The following APBB2 variants were observed in gnomAD, a reference collection of about 807,000 sequenced individuals.
APBB2 encodes the protein Fe65-like 1.
Under a neutral mutation model 82.5 loss-of-function variants are expected in APBB2, and 38 were observed. The observed-to-expected ratio is 0.46, with a 90% CI of 0.36 to 0.60. APBB2 has a LOEUF of 0.60. Among genes scored for constraint, APBB2 ranks in the 20% least tolerant of loss-of-function variants. APBB2 has a pLI of 0.00. For missense variants in APBB2, 772 were observed against 972.3 expected, an observed-to-expected ratio of 0.79 and a Z score of 2.74; for synonymous variants, 341 against 368.2, an observed-to-expected ratio of 0.93 and a Z score of 0.85.
intron 3 of APBB2, among the ~76,000 whole-genome samples, chr4:41,074,766 G>C (rs990242701): frequency 9.2e-5 from 14 of 151,870 alleles, no homozygotes; most frequent in African/African-American, 2.9e-4. Flanking sequence ...TCCGCCACCA[G>C]TCCCGGCTAA....
At chr4:41,190,321 G>A (rs1560992893) in intron 1 of APBB2, among the ~76,000 whole-genome samples, 2 of 134,782 alleles carry the variant, frequency 1.5e-5, no homozygotes, top group African/African-American at 2.9e-5. Context: ...CCGCGATCTC[G>A]GCTCACTGCA....
At chr4:40,876,919 T>C (rs1179358736) in intron 12 of APBB2, among the ~76,000 whole-genome samples, 1 of 152,224 alleles carries the variant, frequency 6.6e-6, no homozygotes, top group African/African-American at 2.4e-5. Context: ...ATTTGAATCA[T>C]TACCCACTGT....
At chr4:41,059,253 G>C (rs1200516227) in intron 4 of APBB2, among the ~76,000 whole-genome samples, 2 of 152,254 alleles carry the variant, frequency 1.3e-5, no homozygotes, top group African/African-American at 4.8e-5. Flanking sequence ...CTGAGGTCAG[G>C]AGTTTGAGAC....
At chr4:40,968,474 G>A (rs903953153) in intron 6 of APBB2, among the ~76,000 whole-genome samples, 2 of 152,074 alleles carry the variant, frequency 1.3e-5, no homozygotes, top group African/African-American at 4.8e-5. Flanking sequence ...AATTTCTCAT[G>A]AACATCCATT....
intron 4 of APBB2, among the ~76,000 whole-genome samples, chr4:41,039,159 T>A (rs62413766): frequency 0.046 from 7,026 of 152,330 alleles, 345 homozygotes; most frequent in African/African-American, 0.13. Flanking sequence ...GTTATTTAAC[T>A]ACATGAATAT....
chr4:40,858,092 C>A (rs1761860425), intron 12 of APBB2, among the ~76,000 whole-genome samples: 9 of 152,112 alleles, frequency 5.9e-5, no homozygotes, highest in Admixed American at 5.9e-4. Context: ...GGCACCCCAA[C>A]ATTGTCATCT....
At chr4:41,000,822 A>G (rs1017495888) in intron 6 of APBB2, among the ~76,000 whole-genome samples, 10 of 152,158 alleles carry the variant, frequency 6.6e-5, no homozygotes, top group Non-Finnish European at 1.5e-4. Flanking sequence ...CATAGAGTCC[A>G]TTCTCTAACT....
At chr4:41,110,648 T>C (rs927991971) in intron 2 of APBB2, among the ~76,000 whole-genome samples, 3 of 151,234 alleles carry the variant, frequency 2.0e-5, no homozygotes, top group African/African-American at 7.3e-5. Flanking sequence ...TATCATGTAC[T>C]GACAAAAATT....
intron 12 of APBB2, 129 bp downstream of exon 12, chr4:40,890,235 T>C: frequency 1.6e-6 from 2 of 1,279,270 alleles, no homozygotes; most frequent in South Asian, 3.3e-5. Context: ...AAGCTTTCAT[T>C]TTTCACATTT....
chr4:41,130,755 C>A lies in APBB2; in HGVS notation c.-261+12232G>T, dbSNP rs116772988. 6.1e-3 allele frequency among the ~76,000 whole-genome samples: 928 copies of A among 152,224 alleles called. 9 individuals carry two copies. Among genetic ancestry groups the A allele is most frequent in the African/African-American group, 0.019 (780 of 41,532 alleles). On this transcript the variant is annotated intron_variant, in intron 2 of 17. Coordinates refer to ENST00000508593, the MANE Select transcript of APBB2 (RefSeq NM_004307.2). Reference sequence around the variant, plus strand: ...AGTGCCTACCGATGCCCCAAGACCACGCCCTCCCCACTTCTGCTCCCCATC... The same window carrying A: ...AGTGCCTACCGATGCCCCAAGACCAAGCCCTCCCCACTTCTGCTCCCCATC...
chr4:41,019,203 A>C (rs1810810500), intron 5 of APBB2, among the ~76,000 whole-genome samples: 1 of 152,196 alleles, frequency 6.6e-6, no homozygotes. Context: ...ATACTTTTTA[A>C]AGATGAGATT....
intron 6 of APBB2, among the ~76,000 whole-genome samples, chr4:40,978,667 T>G (rs1300735998): frequency 6.6e-6 from 1 of 152,196 alleles, no homozygotes; most frequent in East Asian, 1.9e-4. Flanking sequence ...TCATATAAGC[T>G]TTCTGTGGTT....
chr4:41,091,531 C>T (rs181000484), intron 3 of APBB2, among the ~76,000 whole-genome samples: 1 of 152,246 alleles, frequency 6.6e-6, no homozygotes, highest in East Asian at 1.9e-4. Context: ...AGGGGAGCAA[C>T]ATATCATATA....
At chr4:41,147,386 T>A (rs1409475838) in intron 1 of APBB2, among the ~76,000 whole-genome samples, 3 of 151,950 alleles carry the variant, frequency 2.0e-5, no homozygotes, top group East Asian at 3.9e-4. Flanking sequence ...AAAACCTTGG[T>A]CATATGTCAG....
At chr4:41,165,872 C>CT (rs148637668) in intron 1 of APBB2, among the ~76,000 whole-genome samples, 5,938 of 116,488 alleles carry the variant, frequency 0.051, 142 homozygotes, top group African/African-American at 0.08. Context: ...GTCAGGCCCC[C>CT]TTTTTTTTTT....
At chr4:40,986,287 A>G (rs530576138) in intron 6 of APBB2, among the ~76,000 whole-genome samples, 2 of 152,220 alleles carry the variant, frequency 1.3e-5, no homozygotes, top group South Asian at 2.1e-4. Context: ...TCTGGTTGTC[A>G]CCATGCAATC....
At chr4:40,965,142 A>G (rs2154395553) in intron 6 of APBB2, among the ~76,000 whole-genome samples, 1 of 151,962 alleles carries the variant, frequency 6.6e-6, no homozygotes, top group African/African-American at 2.4e-5. Flanking sequence ...AAAAAAAAAA[A>G]TGGTTGACTA....
intron 6 of APBB2, among the ~76,000 whole-genome samples, chr4:41,000,557 T>C (rs770624161): frequency 1.3e-5 from 2 of 151,968 alleles, no homozygotes; most frequent in African/African-American, 4.8e-5. Context: ...CCACAGAAAG[T>C]GGTAAATGTC....
chr4:41,030,349 A>G (rs1716262922), intron 5 of APBB2, among the ~76,000 whole-genome samples: 1 of 152,222 alleles, frequency 6.6e-6, no homozygotes, highest in Non-Finnish European at 1.5e-5. Flanking sequence ...CCTTTGGAGT[A>G]GTCAACTTTG....
Sources: allele counts gnomAD v4.1 joint callset (sites outside exome capture counted in the v4.1 genomes callset), GRCh38; gene constraint gnomAD v4.1.1; transcripts MANE v1.5; gene names NCBI Gene and HGNC (gene_info 2026-07-23, HGNC 2026-07-21).